PCDH15: variants seen among roughly 807,000 people sequenced by gnomAD.
The protein encoded by PCDH15 is protocadherin related 15.
PCDH15 carries 129 observed loss-of-function variants against 178.5 expected under a neutral mutation model. That is an observed-to-expected ratio of 0.72 (90% CI 0.63 to 0.84). PCDH15 has a LOEUF of 0.84. Among genes scored for constraint, PCDH15 ranks in the 40% least tolerant of loss-of-function variants. PCDH15 has a pLI of 0.00. For synonymous variants in PCDH15, 800 were observed against 732.0 expected, an observed-to-expected ratio of 1.09 and a Z score of -1.50; for missense variants, 2,230 against 2,099.9, an observed-to-expected ratio of 1.06 and a Z score of -1.21.
intron 26 of PCDH15, among the ~76,000 whole-genome samples, chr10:53,882,428 G>A (rs1212381192): frequency 6.6e-6 from 1 of 152,054 alleles, no homozygotes; most frequent in African/African-American, 2.4e-5. Context: ...GCTGGACTTC[G>A]TCGCCCCCAC....
intron 3 of PCDH15, among the ~76,000 whole-genome samples, chr10:54,861,978 C>T (rs1393089569): frequency 1.3e-5 from 2 of 152,064 alleles, no homozygotes; most frequent in South Asian, 2.1e-4. Context: ...ACAAGACTGG[C>T]TACAATGATG....
intron 2 of PCDH15, among the ~76,000 whole-genome samples, chr10:55,565,510 A>G (rs986693054): frequency 2.1e-4 from 32 of 151,696 alleles, no homozygotes; most frequent in Non-Finnish European, 1.5e-5. Flanking sequence ...TAAAGACTAG[A>G]GCAGAGATAG....
At chr10:55,362,858 G>C (rs1222997148) in intron 2 of PCDH15, among the ~76,000 whole-genome samples, 3 of 152,136 alleles carry the variant, frequency 2.0e-5, no homozygotes, top group Non-Finnish European at 4.4e-5. Context: ...ATTTCAAGAA[G>C]ATCACAGGTG....
intron 28 of PCDH15, among the ~76,000 whole-genome samples, chr10:53,843,325 A>G (rs1481016119): frequency 6.6e-6 from 1 of 152,066 alleles, no homozygotes; most frequent in Non-Finnish European, 1.5e-5. Context: ...CTATCTTTTC[A>G]TTTATCATCT....
intron 2 of PCDH15, among the ~76,000 whole-genome samples, chr10:55,567,096 A>T (rs1184411962): frequency 6.6e-6 from 1 of 151,994 alleles, no homozygotes; most frequent in Non-Finnish European, 1.5e-5. Context: ...GGACCGGTGT[A>T]ATAGGAAAGG....
intron 2 of PCDH15, among the ~76,000 whole-genome samples, chr10:54,937,401 A>G (rs1837935475): frequency 6.6e-6 from 1 of 152,044 alleles, no homozygotes; most frequent in Non-Finnish European, 1.5e-5. Context: ...AGATCAATTA[A>G]GAGATATATT....
chr10:53,995,845 C>T (rs1223563030), intron 20 of PCDH15, 80 bp from the exon 21 acceptor site: 7 of 1,217,646 alleles, frequency 5.7e-6, no homozygotes, highest in Non-Finnish European at 8.4e-6. Context: ...TCCCAGTCTT[C>T]ATATCACACA....
chr10:54,568,888 A>G (rs1441055010), intron 2 of PCDH15, among the ~76,000 whole-genome samples: 4 of 152,244 alleles, frequency 2.6e-5, no homozygotes, highest in Non-Finnish European at 5.9e-5. Flanking sequence ...AGATCTTAGT[A>G]AACCTCACAA....
At chr10:54,646,671 T>A (rs2135099158) in intron 2 of PCDH15, among the ~76,000 whole-genome samples, 1 of 152,216 alleles carries the variant, frequency 6.6e-6, no homozygotes, top group South Asian at 2.1e-4. Flanking sequence ...AGTCTTCCAG[T>A]CTGTGAACAT....
intron 2 of PCDH15, among the ~76,000 whole-genome samples, chr10:55,007,684 T>C (rs1247177845): frequency 6.6e-6 from 1 of 152,144 alleles, no homozygotes; most frequent in Non-Finnish European, 1.5e-5. Flanking sequence ...CAGGCTGGGG[T>C]TGTCCTACAG....
chr10:53,985,429 T>C (rs1416577485), intron 21 of PCDH15, among the ~76,000 whole-genome samples: 1 of 152,098 alleles, frequency 6.6e-6, no homozygotes, highest in African/African-American at 2.4e-5. Context: ...AGTGGCATTG[T>C]CTTGAATGCT....
intron 2 of PCDH15, among the ~76,000 whole-genome samples, chr10:54,570,860 G>A (rs1782253881): frequency 6.7e-6 from 1 of 148,740 alleles, no homozygotes; most frequent in Non-Finnish European, 1.5e-5. Flanking sequence ...TAGAGACGGA[G>A]TTTCACCCTG....
At chr10:53,979,191 A>C (rs2090426196) in intron 21 of PCDH15, among the ~76,000 whole-genome samples, 1 of 152,224 alleles carries the variant, frequency 6.6e-6, no homozygotes, top group Non-Finnish European at 1.5e-5. Flanking sequence ...TAATTAACTC[A>C]TAGTTCTGCA....
intron 2 of PCDH15, among the ~76,000 whole-genome samples, chr10:55,553,017 G>C (rs1842028661): frequency 6.6e-6 from 1 of 151,520 alleles, no homozygotes; most frequent in Admixed American, 6.6e-5. Context: ...AACAAAGTGA[G>C]ATACATTAAT....
At chr10:54,799,558 C>A (rs1034357705) in intron 1 of PCDH15, among the ~76,000 whole-genome samples, 2 of 152,036 alleles carry the variant, frequency 1.3e-5, no homozygotes, top group African/African-American at 4.8e-5. Flanking sequence ...AAACTCTGAC[C>A]TGTTCAGGTC....
chr10:54,847,000 G>T (rs1953530068), intron 3 of PCDH15, among the ~76,000 whole-genome samples: 1 of 152,098 alleles, frequency 6.6e-6, no homozygotes. Context: ...TTTACTGTTG[G>T]AAAGATAATT....
At chr10:53,995,872 C>A in intron 20 of PCDH15, 107 bp from the exon 21 acceptor site, 2 of 996,164 alleles carry the variant, frequency 2.0e-6, no homozygotes, top group South Asian at 1.3e-5. Context: ...TTACCACTGT[C>A]AGCCTTCCAT....
At chr10:55,602,035 G>A (rs917133789) in intron 2 of PCDH15, among the ~76,000 whole-genome samples, 3 of 152,106 alleles carry the variant, frequency 2.0e-5, no homozygotes, top group African/African-American at 4.8e-5. Context: ...TGCACGCGCC[G>A]TGCACCAGCC....
At chr10:54,162,489 T>C (rs962068623) in intron 13 of PCDH15, among the ~76,000 whole-genome samples, 14 of 152,188 alleles carry the variant, frequency 9.2e-5, no homozygotes, top group Admixed American at 5.9e-4. Context: ...TTGTGGAATA[T>C]AGAATGGAGA....
Sources: allele counts gnomAD v4.1 joint callset (sites outside exome capture counted in the v4.1 genomes callset), GRCh38; gene constraint gnomAD v4.1.1; transcripts MANE v1.5; gene names NCBI Gene and HGNC (gene_info 2026-07-23, HGNC 2026-07-21).